The following DIPK1A variants were observed in gnomAD, a reference collection of about 807,000 sequenced individuals.
DIPK1A encodes divergent protein kinase domain 1A, also known as family with sequence similarity 69 member A.
DIPK1A carries 27 observed loss-of-function variants against 40.8 expected under a neutral mutation model. That is an observed-to-expected ratio of 0.66 (90% CI 0.49 to 0.91). The LOEUF (loss-of-function observed/expected upper bound fraction) is 0.91. DIPK1A is among the 40% of genes least tolerant of loss of function. The pLI is 0.00. For missense variants in DIPK1A, 412 were observed against 505.7 expected (o/e 0.81, Z 1.78); for synonymous variants, 166 against 171.3 (o/e 0.97, Z 0.24).
chr1:92,925,636 G>A (rs1005683360), intron 1 of DIPK1A, among the ~76,000 whole-genome samples: 1 of 152,078 alleles, frequency 6.6e-6, no homozygotes, highest in African/African-American at 2.4e-5. Context: ...TGGGATTACA[G>A]GCATGCACCA....
At chr1:92,862,942 C>A (rs1172701454) in intron 2 of DIPK1A, among the ~76,000 whole-genome samples, 2 of 152,168 alleles carry the variant, frequency 1.3e-5, no homozygotes, top group African/African-American at 4.8e-5. Context: ...GGACCTTCTT[C>A]ATTAGGGTTG....
rs139402835 is a variant in DIPK1A at position 92,876,211 on chromosome 1, T to TA, written c.189+84dup. On this transcript the variant is annotated intron_variant, in intron 2 of 4. Transcript: ENST00000370310. Reference sequence around the variant, plus strand: ...CTAATGTCAAATTAACTTTTATTTTTAAAAACATCATTAGTAAGTATGTAA... The same window carrying TA: ...CTAATGTCAAATTAACTTTTATTTTTAAAAAACATCATTAGTAAGTATGTAA... The TA allele has an allele frequency of 6.2e-3, 5,342 of 865,760 alleles. 238 individuals are homozygous for TA. The African/African-American group carries it at 0.086, about 14-fold the overall frequency. 53.6% of individuals were successfully genotyped at this position (865,760 alleles called of 1,614,324 possible).
intron 1 of DIPK1A, among the ~76,000 whole-genome samples, chr1:92,909,009 A>T (rs1207803335): frequency 6.6e-6 from 1 of 152,224 alleles, no homozygotes. Context: ...TCTATTAATA[A>T]TTTTAAATTA....
chr1:92,846,561 C>T (rs780686239), intron 4 of DIPK1A: 1 of 433,092 alleles, frequency 2.3e-6, no homozygotes, highest in South Asian at 1.6e-5. Context: ...ACTCCCTCCT[C>T]ATATCTGGAC....
rs368274856 is a variant in DIPK1A, at chr1:92,931,261, A to T, written c.54+30115T>A. On this transcript the variant is annotated intron_variant, in intron 1 of 4. Transcript: ENST00000370310. ...TAAACTGCGGTACATCAGACAATGG[A>T]CAATTATTTAGCAATAAAAAGAAAT... 506 of 165,540 alleles carry T rather than the reference A, an allele frequency of 3.1e-3. 4 individuals are homozygous for T. The highest frequency in any genetic ancestry group is 0.011 in the African/African-American group (472 of 42,078). The allele number at this position is 165,540 out of a possible 1,614,324, so 10.3% of individuals were successfully genotyped here. A position where few individuals can be genotyped will look rare whatever the true frequency, so the allele number is the denominator to read the frequency against.
intron 1 of DIPK1A, among the ~76,000 whole-genome samples, chr1:92,878,292 C>T (rs1184968207): frequency 6.6e-6 from 1 of 152,158 alleles, no homozygotes; most frequent in East Asian, 1.9e-4. Flanking sequence ...GATCTGTAAT[C>T]CCAGCACTTT....
At chr1:92,853,267 C>T (rs1408580354) in intron 2 of DIPK1A, among the ~76,000 whole-genome samples, 5 of 152,160 alleles carry the variant, frequency 3.3e-5, no homozygotes, top group Non-Finnish European at 7.3e-5. Flanking sequence ...TCAAGGGAAA[C>T]TTCACATAAA....
intron 4 of DIPK1A, chr1:92,846,572 AT>A: frequency 2.3e-6 from 1 of 435,976 alleles, no homozygotes; most frequent in East Asian, 7.2e-5. Context: ...ATATCTGGAC[AT>A]TTTTAGCTAT....
chr1:92,849,304 C>A (rs1687730933), intron 3 of DIPK1A, among the ~76,000 whole-genome samples: 1 of 151,434 alleles, frequency 6.6e-6, no homozygotes, highest in Non-Finnish European at 1.5e-5. Flanking sequence ...CCTCTGGAAT[C>A]ATGTAAGGTC....
intron 1 of DIPK1A, among the ~76,000 whole-genome samples, chr1:92,910,708 T>C (rs1232252834): frequency 1.3e-5 from 2 of 152,168 alleles, no homozygotes; most frequent in African/African-American, 4.8e-5. Flanking sequence ...GAGATAATGG[T>C]GCAATGATAT....
At chr1:92,833,779 A>G (rs538004024) in intron 4 of DIPK1A, 8 of 796,286 alleles carry the variant, frequency 1.0e-5, no homozygotes, top group Non-Finnish European at 1.7e-5. Context: ...CATCCAGTGA[A>G]TAATTTTTCC....
chr1:92,940,496 A>T (rs1265219855), intron 1 of DIPK1A, among the ~76,000 whole-genome samples: 1 of 152,190 alleles, frequency 6.6e-6, no homozygotes, highest in African/African-American at 2.4e-5. Context: ...TTAACAGACA[A>T]ATGCCAAGTT....
intron 4 of DIPK1A, among the ~76,000 whole-genome samples, chr1:92,846,356 G>A (rs924912871): frequency 3.3e-5 from 5 of 151,970 alleles, no homozygotes; most frequent in African/African-American, 1.2e-4. Flanking sequence ...ACCCTATAGT[G>A]CTATAGAACA....
chr1:92,851,562 A>AAAAAAAAAAAAT (rs1687826700), intron 2 of DIPK1A, among the ~76,000 whole-genome samples: 4 of 92,734 alleles, frequency 4.3e-5, no homozygotes, highest in Non-Finnish European at 9.4e-5. Context: ...AAAAAAAAAA[A>AAAAAAAAAAAAT]CTTCTGGTTT....
At chr1:92,937,353 G>C (rs1056730743) in intron 1 of DIPK1A, among the ~76,000 whole-genome samples, 2 of 152,024 alleles carry the variant, frequency 1.3e-5, no homozygotes, top group Non-Finnish European at 2.9e-5. Context: ...ACATTAACTG[G>C]TGACTAACCT....
exon 5 of DIPK1A, chr1:92,832,783 C>G: frequency 1.9e-6 from 1 of 520,988 alleles, no homozygotes; most frequent in Non-Finnish European, 3.4e-6. Context: ...GTTGCTTTAG[C>G]TGATGGGGAA....
At chr1:92,836,193 C>T (rs751630540) in intron 4 of DIPK1A, 2 of 1,612,028 alleles carry the variant, frequency 1.2e-6, no homozygotes, top group Non-Finnish European at 1.7e-6. Context: ...TGAATAGCTT[C>T]TCAATAGGTT....
At chr1:92,932,008 TG>T in intron 1 of DIPK1A, 1 of 526,886 alleles carries the variant, frequency 1.9e-6, no homozygotes, top group Non-Finnish European at 3.5e-6. Flanking sequence ...AATAAAATCT[TG>T]GGCCAAAAGA....
At chr1:92,891,544 G>A (rs542634162) in intron 1 of DIPK1A, among the ~76,000 whole-genome samples, 15 of 152,146 alleles carry the variant, frequency 9.9e-5, no homozygotes, top group East Asian at 5.8e-4. Flanking sequence ...CAAGATGGCC[G>A]AATAGGAACA....
Sources: gnomAD v4.1 joint callset for allele counts (sites outside exome capture counted in the v4.1 genomes callset) on GRCh38, gnomAD v4.1.1 for gene constraint, MANE v1.5 for transcripts, NCBI Gene and HGNC (gene_info 2026-07-23, HGNC 2026-07-21) for gene names.